Variants in STK25 observed in about 807,000 individuals in gnomAD.
STK25 encodes the protein serine/threonine kinase 25, also known as serine/threonine-protein kinase 25.
A neutral mutation model predicts 53.8 loss-of-function variants in STK25; 29 were observed. The ratio of observed to expected loss-of-function variants is 0.54; its 90% CI spans 0.40 to 0.74. The LOEUF (loss-of-function observed/expected upper bound fraction) is 0.74. Ranked by LOEUF, STK25 falls within the 30% of genes least tolerant of loss-of-function variation. The probability of loss-of-function intolerance (pLI) is 0.00; values close to 1 mark genes in which losing one functional copy is unlikely to be tolerated. For missense variants in STK25, 420 were observed against 568.0 expected, an observed-to-expected ratio of 0.74 and a Z score of 2.65; for synonymous variants, 247 against 238.3, an observed-to-expected ratio of 1.04 and a Z score of -0.33.
At chr2:241,500,068 C>T (rs753407760) in intron 5 of STK25, 105 bp downstream of exon 5, 22 of 940,200 alleles carry the variant, frequency 2.3e-5, no homozygotes, top group Non-Finnish European at 3.3e-5. Flanking sequence ...TCTCTATACT[C>T]CAGACCCTGG....
rs919223104 is a variant in STK25 at position 241,494,370 on chromosome 2, C to T, written c.*1292G>A. ...AATGTGCGAGTCTTGAGCGCGGAGC[C>T]GCTCAAGCCACAGCTCCCAGGCCCC... On this transcript the variant is annotated 3_prime_UTR_variant, in exon 12 of 12. Coordinates refer to ENST00000316586, the MANE Select transcript of STK25 (RefSeq NM_001271977.2). This position sits in a 1 kb window ranked among gnomAD's most constrained non-coding sequence, Gnocchi z 4.9. The T allele has an allele frequency of 6.3e-6, 2 of 318,506 alleles. No individual in the cohort carries two copies. The highest frequency in any genetic ancestry group is 4.8e-5 in the East Asian group (1 of 20,646). 19.7% of individuals were successfully genotyped at this position (318,506 alleles called of 1,614,324 possible).
At position 241,495,459 on chromosome 2, in the gene STK25, C is replaced by G; in HGVS notation, c.*203G>C. On this transcript the variant is annotated 3_prime_UTR_variant, in exon 12 of 12. Coordinates refer to ENST00000316586, the MANE Select transcript of STK25 (RefSeq NM_001271977.2). ...GGAGGAGGGCAGTGGGCATAGAGAACAGCGTCCCTGACGTGCACAACAGCA... is the reference window on the plus strand; with the variant it reads ...GGAGGAGGGCAGTGGGCATAGAGAAGAGCGTCCCTGACGTGCACAACAGCA... 2 of 593,226 alleles carry G rather than the reference C, an allele frequency of 3.4e-6. No individual in the cohort carries two copies. Among genetic ancestry groups the G allele is most frequent in the South Asian group, 4.1e-5 (2 of 49,346 alleles). The allele number at this position is 593,226 out of a possible 1,614,324, so 36.7% of individuals were successfully genotyped here.
chr2:241,503,839 CCA>C (rs965814297), intron 2 of STK25, among the ~76,000 whole-genome samples: 2 of 152,132 alleles, frequency 1.3e-5, no homozygotes, highest in African/African-American at 4.8e-5. Flanking sequence ...ATGGGGTACA[CCA>C]CACACAGCCC....
Position 241,507,986 on chromosome 2 carries a change from C to T in STK25, c.30+20G>A. 1 of 1,592,248 alleles carries T rather than the reference C, an allele frequency of 6.3e-7. No homozygotes were observed. Among genetic ancestry groups the T allele is most frequent in the Non-Finnish European group, 8.5e-7 (1 of 1,169,972 alleles). On this transcript the variant is annotated intron_variant, in intron 2 of 11. Transcript: ENST00000316586. ...CCTCGGTGAGAGGCCGCTAGTCTTC[C>T]TGACCTGCACCCTTCTCACCTGGTT...
At chr2:241,508,354 C>G in intron 1 of STK25, 89 bp downstream of exon 1, 5 of 1,148,962 alleles carry the variant, frequency 4.4e-6, no homozygotes, top group Non-Finnish European at 5.4e-6. Context: ...GCCCCCGCCC[C>G]GGTGTCCCCG....
At chr2:241,508,181 A>T in intron 1 of STK25, 46 bp from the exon 2 acceptor site, 1 of 1,367,106 alleles carries the variant, frequency 7.3e-7, no homozygotes, top group East Asian at 3.1e-5. Flanking sequence ...CAGTCATCTG[A>T]GACCGACCTC....
chr2:241,503,225 A>G (rs1239353871), intron 2 of STK25, among the ~76,000 whole-genome samples: 1 of 152,018 alleles, frequency 6.6e-6, no homozygotes, highest in African/African-American at 2.4e-5. Flanking sequence ...CACCACTCCC[A>G]GTTAATTTTT....
chr2:241,505,905 C>CTGA lies in STK25; in HGVS notation c.30+2100_30+2101insTCA, dbSNP rs1398075738. Among the ~76,000 whole-genome samples, 3 of 152,184 alleles carry CTGA rather than the reference C, an allele frequency of 2.0e-5. No individual in the cohort carries two copies. The East Asian group carries it at 5.8e-4, about 29-fold the overall frequency. ...GCTGTGGCCTGGATGATCACTCGGGCCACTCAGCTGACTCGAGCGGTGGAC... is the reference window on the plus strand; with the variant it reads ...GCTGTGGCCTGGATGATCACTCGGGCTGACACTCAGCTGACTCGAGCGGTGGAC... On this transcript the variant is annotated intron_variant, in intron 2 of 11. Coordinates refer to ENST00000316586, the MANE Select transcript of STK25 (RefSeq NM_001271977.2).
chr2:241,505,547 C>A (rs1278241825), intron 2 of STK25, among the ~76,000 whole-genome samples: 1 of 152,238 alleles, frequency 6.6e-6, no homozygotes, highest in Non-Finnish European at 1.5e-5. Flanking sequence ...CCCTGCTCTA[C>A]TCCCTGCTCC....
In STK25 at chr2:241,499,425, C is replaced by T; in HGVS notation, c.428-11G>A. On this transcript the variant is annotated splice_polypyrimidine_tract_variant and intron_variant, in intron 5 of 11. Coordinates refer to ENST00000316586, the MANE Select transcript of STK25 (RefSeq NM_001271977.2). ...GTAGCACGTTGGCAGCTGCTTGACA[C>T]AGGACAGGCAGGCGTCATCCCAGGC... is the stretch of plus-strand genomic sequence containing the variant. 1 of 1,611,468 alleles carries T rather than the reference C, an allele frequency of 6.2e-7. No homozygotes were observed. The highest frequency in any genetic ancestry group is 8.5e-7 in the Non-Finnish European group (1 of 1,178,640).
chr2:241,497,367 C>A (rs2065236920), intron 10 of STK25: 1 of 512,738 alleles, frequency 2.0e-6, no homozygotes, highest in East Asian at 3.2e-5. Context: ...GAAGGATCAT[C>A]TGTGTTTGCA....
rs2065490916 is a variant in STK25, at chr2:241,501,222, G to A, written c.261+256C>T. On this transcript the variant is annotated intron_variant, in intron 3 of 11. Transcript: ENST00000316586. The surrounding 1 kb of genome is among the most constrained non-coding windows in gnomAD (Gnocchi z 5.3). ...CAGGCCCACTCACCACTGCCAGTAGGGGCCCCCCAGAGTGCTCCTAGCAGC... is the reference window on the plus strand; with the variant it reads ...CAGGCCCACTCACCACTGCCAGTAGAGGCCCCCCAGAGTGCTCCTAGCAGC... The A allele has an allele frequency of 2.3e-5, 13 of 573,736 alleles. 1 individual carries two copies. The East Asian group carries it at 3.9e-4, about 17-fold the overall frequency. The allele number at this position is 573,736 out of a possible 1,614,324, so 35.5% of individuals were successfully genotyped here.
rs761242020 is a variant in STK25 at position 241,500,732 on chromosome 2, T to C, written c.318+8A>G. ...CATGACCCCCCACTGCCATGGCCTA[T>C]GCCTCACCAAGTCCAGTGCTGAGCC... is the stretch of plus-strand genomic sequence containing the variant. On this transcript the variant is annotated splice_region_variant and intron_variant, in intron 4 of 11. Coordinates refer to ENST00000316586, the MANE Select transcript of STK25 (RefSeq NM_001271977.2). 63 of 1,613,678 alleles carry C rather than the reference T, an allele frequency of 3.9e-5. No homozygotes were observed. Among genetic ancestry groups the C allele is most frequent in the Non-Finnish European group, 5.0e-5 (59 of 1,179,862 alleles).
intron 2 of STK25, among the ~76,000 whole-genome samples, chr2:241,506,161 C>T (rs752792177): frequency 2.8e-4 from 43 of 152,316 alleles, no homozygotes; most frequent in East Asian, 1.7e-3. Flanking sequence ...GGGGGGAACG[C>T]GCCCCACTCT....
At position 241,495,476 on chromosome 2, in the gene STK25, A is replaced by AC. The variant is rs1249662177; in HGVS notation, c.*185dup. On this transcript the variant is annotated 3_prime_UTR_variant, in exon 12 of 12. Coordinates refer to ENST00000316586, the MANE Select transcript of STK25 (RefSeq NM_001271977.2). ...ATAGAGAACAGCGTCCCTGACGTGC[A>AC]CAACAGCACACTGCAGGGGTGGAAG... 12 of 621,526 alleles carry AC rather than the reference A, an allele frequency of 1.9e-5. No individual in the cohort carries two copies. The highest frequency in any genetic ancestry group is 3.5e-5 in the Non-Finnish European group (12 of 346,678). The allele number at this position is 621,526 out of a possible 1,614,324, so 38.5% of individuals were successfully genotyped here.
At position 241,493,818 on chromosome 2, in the gene STK25, A is replaced by C. The variant is rs2065024868; in HGVS notation, c.*1844T>G. 5.7e-6 allele frequency: 3 copies of C among 527,336 alleles called. No individual in the cohort carries two copies. The highest frequency in any genetic ancestry group is 3.1e-5 in the Admixed American group (1 of 31,832). The allele number at this position is 527,336 out of a possible 1,614,324, so 32.7% of individuals were successfully genotyped here. ...CACCATGTTGGCCAGGCTGGTCTCGAACTCCTGACCTCAAGTGATCCATCT... is the reference window on the plus strand; with the variant it reads ...CACCATGTTGGCCAGGCTGGTCTCGCACTCCTGACCTCAAGTGATCCATCT... On this transcript the variant is annotated 3_prime_UTR_variant, in exon 12 of 12. Coordinates refer to ENST00000316586, the MANE Select transcript of STK25 (RefSeq NM_001271977.2).
chr2:241,500,620 C>T (rs1193800862), intron 4 of STK25, 120 bp downstream of exon 4: 2 of 1,075,696 alleles, frequency 1.9e-6, no homozygotes, highest in Non-Finnish European at 2.8e-6. Flanking sequence ...TTAGACGATT[C>T]CTAATTAACA....
At chr2:241,505,055 T>C (rs888004563) in intron 2 of STK25, among the ~76,000 whole-genome samples, 1 of 151,790 alleles carries the variant, frequency 6.6e-6, no homozygotes, top group Non-Finnish European at 1.5e-5. Context: ...TAGCCGGACT[T>C]ACAGGCACCC....
At chr2:241,504,923 C>CT (rs68072887) in intron 2 of STK25, among the ~76,000 whole-genome samples, 5,745 of 145,260 alleles carry the variant, frequency 0.04, 605 homozygotes, top group East Asian at 0.28. Flanking sequence ...TCTTCTTTTT[C>CT]TTTTTTTTTT....
Sources: gnomAD v4.1 joint callset for allele counts (sites outside exome capture counted in the v4.1 genomes callset) on GRCh38, gnomAD v4.1.1 for gene constraint, Gnocchi (gnomAD v3.1) non-coding constraint, MANE v1.5 for transcripts, NCBI Gene and HGNC (gene_info 2026-07-23, HGNC 2026-07-21) for gene names.